PACSIN2: variants seen among roughly 807,000 people sequenced by gnomAD.
The protein encoded by PACSIN2 is protein kinase C and casein kinase substrate in neurons 2.
Under a neutral mutation model 63.8 loss-of-function variants are expected in PACSIN2, and 25 were observed. That is an observed-to-expected ratio of 0.39 (90% CI 0.29 to 0.55). The LOEUF (loss-of-function observed/expected upper bound fraction) is 0.55, where lower values mean the gene tolerates loss of function less well. PACSIN2 is among the 20% of genes least tolerant of loss of function. The probability of loss-of-function intolerance (pLI) is 0.62; values close to 1 mark genes in which losing one functional copy is unlikely to be tolerated. For synonymous variants in PACSIN2, 255 were observed against 256.2 expected, an observed-to-expected ratio of 1.00 and a Z score of 0.05; for missense variants, 518 against 646.9, an observed-to-expected ratio of 0.80 and a Z score of 2.16.
intron 1 of PACSIN2, among the ~76,000 whole-genome samples, chr22:42,919,325 C>T (rs1482432935): frequency 1.3e-5 from 2 of 152,018 alleles, no homozygotes; most frequent in African/African-American, 4.8e-5. Context: ...TTAAGAGGCT[C>T]GGGGCGACAG....
At chr22:42,970,672 CT>C (rs1360685186) in intron 1 of PACSIN2, among the ~76,000 whole-genome samples, 2 of 152,138 alleles carry the variant, frequency 1.3e-5, no homozygotes, top group African/African-American at 4.8e-5. Context: ...ACAATGTGGT[CT>C]TCTTTTTAAA....
chr22:42,875,538 C>A (rs978962975), intron 10 of PACSIN2, among the ~76,000 whole-genome samples: 2 of 124,422 alleles, frequency 1.6e-5, no homozygotes, highest in Admixed American at 8.1e-5. Context: ...ATTAGCCCAG[C>A]TAATTTTTTT....
chr22:42,884,156 C>T (rs1391147869), intron 6 of PACSIN2, among the ~76,000 whole-genome samples: 3 of 152,200 alleles, frequency 2.0e-5, no homozygotes, highest in Non-Finnish European at 4.4e-5. Flanking sequence ...TTGGCCGGGT[C>T]AACCAGGCCT....
chr22:42,956,432 C>A (rs148862954), intron 1 of PACSIN2, among the ~76,000 whole-genome samples: 107 of 152,278 alleles, frequency 7.0e-4, no homozygotes, highest in Non-Finnish European at 1.4e-3. Flanking sequence ...TGCATTTAGA[C>A]CACCTAGTGA....
intron 1 of PACSIN2, among the ~76,000 whole-genome samples, chr22:42,954,024 G>T (rs1448941021): frequency 6.6e-6 from 1 of 152,194 alleles, no homozygotes; most frequent in African/African-American, 2.4e-5. Context: ...ACTTTGGGAG[G>T]CTGAGGCAGG....
Position 43,009,863 on chromosome 22 carries a change from C to CTTTTTT in PACSIN2, c.-78+5157_-78+5158insAAAAAA, listed in dbSNP as rs762256300. Among the ~76,000 whole-genome samples, 12 of 131,812 alleles carry CTTTTTT rather than the reference C, an allele frequency of 9.1e-5. 1 individual carries two copies. The highest frequency in any genetic ancestry group is 2.5e-4 in the East Asian group (1 of 4,014). 86.5% of individuals were successfully genotyped at this position (131,812 alleles called of 152,430 possible). The stretch of plus-strand genomic sequence containing the variant: ...TAGTTGAGACATCATTTTATTTTTT[C>CTTTTTT]TATTTTTTTTTTTTTTTTTTTTTGA... On this transcript the variant is annotated intron_variant, in intron 1 of 10. Transcript: ENST00000263246.
intron 2 of PACSIN2, among the ~76,000 whole-genome samples, chr22:42,907,940 C>T (rs554746512): frequency 5.3e-5 from 8 of 152,352 alleles, no homozygotes; most frequent in Non-Finnish European, 8.8e-5. Context: ...CTGAGAGAAA[C>T]CAGCCCGACT....
At chr22:42,909,510 A>G (rs1225060792) in intron 2 of PACSIN2, 1 of 471,008 alleles carries the variant, frequency 2.1e-6, no homozygotes, top group African/African-American at 2.0e-5. Context: ...CCGCCACTCA[A>G]CGAACATCCG....
intron 2 of PACSIN2, among the ~76,000 whole-genome samples, chr22:42,899,616 T>C (rs1268308119): frequency 1.3e-5 from 2 of 152,202 alleles, no homozygotes; most frequent in African/African-American, 4.8e-5. Context: ...GGCAGGCCTC[T>C]GTGCACAACT....
intron 1 of PACSIN2, among the ~76,000 whole-genome samples, chr22:42,963,761 G>A (rs765905153): frequency 8.5e-5 from 13 of 152,052 alleles, no homozygotes; most frequent in East Asian, 1.9e-4. Flanking sequence ...TACCACACCC[G>A]TGCCTCCCAT....
At chr22:42,951,960 C>T (rs1241807866) in intron 1 of PACSIN2, among the ~76,000 whole-genome samples, 1 of 152,188 alleles carries the variant, frequency 6.6e-6, no homozygotes, top group Admixed American at 6.5e-5. Context: ...GGAATACCTG[C>T]CTCCCACATC....
chr22:42,982,888 A>AAAAAAAAAAAAAAAAAAAAAAAAAAAC (rs759532303), intron 1 of PACSIN2, among the ~76,000 whole-genome samples: 2 of 105,200 alleles, frequency 1.9e-5, no homozygotes, highest in Non-Finnish European at 2.1e-5. Flanking sequence ...AAAAAAAAAA[A>AAAAAAAAAAAAAAAAAAAAAAAAAAAC]AACAACAACA....
At chr22:42,902,973 A>G (rs1027582864) in intron 2 of PACSIN2, among the ~76,000 whole-genome samples, 5 of 152,194 alleles carry the variant, frequency 3.3e-5, no homozygotes, top group African/African-American at 1.2e-4. Context: ...GCTAAAAGGA[A>G]TCAACTCTTA....
At chr22:42,949,463 C>T (rs542171343) in intron 1 of PACSIN2, among the ~76,000 whole-genome samples, 9,134 of 152,110 alleles carry the variant, frequency 0.06, 895 homozygotes, top group African/African-American at 0.21. Context: ...CACACGCGCG[C>T]GCACGCACAC....
rs553449662 is a variant in PACSIN2 at position 43,009,861 on chromosome 22, TTC to T, written c.-78+5158_-78+5159del. Among the ~76,000 whole-genome samples the T allele has an allele frequency of 4.4e-3, 545 of 123,782 alleles. 7 individuals are homozygous for T. The highest frequency in any genetic ancestry group is 0.014 in the African/African-American group (512 of 37,278). The allele number at this position is 123,782 out of a possible 152,430, so 81.2% of individuals were successfully genotyped here. ...GATAGTTGAGACATCATTTTATTTTTTCTATTTTTTTTTTTTTTTTTTTTTGA... is the reference window on the plus strand; with the variant it reads ...GATAGTTGAGACATCATTTTATTTTTTATTTTTTTTTTTTTTTTTTTTTGA... On this transcript the variant is annotated intron_variant, in intron 1 of 10. Transcript: ENST00000263246.
intron 1 of PACSIN2, among the ~76,000 whole-genome samples, chr22:42,922,008 G>T (rs1274117300): frequency 6.6e-6 from 1 of 152,188 alleles, no homozygotes; most frequent in Non-Finnish European, 1.5e-5. Context: ...CAAAGTGCTG[G>T]GATTACAGGT....
At chr22:42,872,915 C>T (rs1928278963) in intron 10 of PACSIN2, among the ~76,000 whole-genome samples, 2 of 152,204 alleles carry the variant, frequency 1.3e-5, no homozygotes, top group African/African-American at 2.4e-5. Context: ...CTTCGTGCCT[C>T]GGGCCCCTGG....
At position 42,903,708 on chromosome 22, in the gene PACSIN2, A is replaced by G. The variant is rs535118879; in HGVS notation, c.60+8313T>C. 2.0e-5 allele frequency among the ~76,000 whole-genome samples: 3 copies of G among 152,162 alleles called. No homozygotes were observed. The East Asian group carries it at 5.8e-4, about 29-fold the overall frequency. On this transcript the variant is annotated intron_variant, in intron 2 of 10. Coordinates refer to ENST00000263246, the MANE Select transcript of PACSIN2 (RefSeq NM_001184970.3). ...CGCCATCTGCAAATGAGGTGATGCT[A>G]TTTACCTTGCAGGGCCCAAGAGGGT...
chr22:42,921,157 A>G (rs1932166899), intron 1 of PACSIN2, among the ~76,000 whole-genome samples: 1 of 151,902 alleles, frequency 6.6e-6, no homozygotes, highest in African/African-American at 2.4e-5. Flanking sequence ...CAGGAGATAG[A>G]GACCATCTTG....
Sources: gnomAD v4.1 joint callset for allele counts (sites outside exome capture counted in the v4.1 genomes callset) on GRCh38, gnomAD v4.1.1 for gene constraint, MANE v1.5 for transcripts, NCBI Gene and HGNC (gene_info 2026-07-23, HGNC 2026-07-21) for gene names.